Variants in LYRM4 observed in about 807,000 individuals in gnomAD.
The protein encoded by LYRM4 is LYR motif containing 4.
A neutral mutation model predicts 11.7 loss-of-function variants in LYRM4; 9 were observed. The observed-to-expected ratio is 0.77, with a 90% CI of 0.46 to 1.34. The LOEUF (loss-of-function observed/expected upper bound fraction) is 1.34, where lower values mean the gene tolerates loss of function less well. Ranked by LOEUF, LYRM4 falls within the 40% of genes most tolerant of loss-of-function variation. The pLI is 0.00. For missense variants in LYRM4, 133 were observed against 112.5 expected (o/e 1.18, Z -0.82); for synonymous variants, 42 against 40.4 (o/e 1.04, Z -0.15).
intron 2 of LYRM4, among the ~76,000 whole-genome samples, chr6:5,204,750 G>A (rs1026512973): frequency 5.3e-4 from 81 of 152,058 alleles, no homozygotes; most frequent in African/African-American, 1.9e-3. Flanking sequence ...TTTTTCCCGG[G>A]TGCATCCTCA....
At chr6:5,101,612 T>G (rs1023712517), downstream of LYRM4, among the ~76,000 whole-genome samples, 1 of 152,124 alleles carries the variant, frequency 6.6e-6, no homozygotes, top group African/African-American at 2.4e-5. Flanking sequence ...GGGGGCTGCA[T>G]ATAGTTGACC....
At chr6:5,173,967 G>GGGGCTTTGT (rs1561848184) in intron 2 of LYRM4, among the ~76,000 whole-genome samples, 1 of 152,142 alleles carries the variant, frequency 6.6e-6, no homozygotes, top group Non-Finnish European at 1.5e-5. Flanking sequence ...TATAGACTGG[G>GGGGCTTTGT]GGGCTTTGTT....
At chr6:5,238,964 C>G (rs1763706429) in intron 1 of LYRM4, among the ~76,000 whole-genome samples, 1 of 152,238 alleles carries the variant, frequency 6.6e-6, no homozygotes, top group African/African-American at 2.4e-5. Context: ...AGGAAGAATT[C>G]TGCTTCTGAT....
chr6:5,226,821 C>T (rs1004305724), intron 1 of LYRM4, among the ~76,000 whole-genome samples: 3 of 152,076 alleles, frequency 2.0e-5, no homozygotes, highest in Admixed American at 2.0e-4. Context: ...TTTATGCCTC[C>T]TAAATTACTA....
intron 1 of LYRM4, among the ~76,000 whole-genome samples, chr6:5,234,940 C>T (rs1331869846): frequency 2.6e-5 from 4 of 152,144 alleles, no homozygotes; most frequent in South Asian, 2.1e-4. Flanking sequence ...CCCCAGAGCT[C>T]AGGTTCACTG....
At chr6:5,204,050 A>T (rs548719248) in intron 2 of LYRM4, among the ~76,000 whole-genome samples, 25 of 152,346 alleles carry the variant, frequency 1.6e-4, no homozygotes, top group African/African-American at 5.1e-4. Context: ...GGAAGGGCAG[A>T]CAATTATGCC....
intron 2 of LYRM4, among the ~76,000 whole-genome samples, chr6:5,141,682 C>T (rs1030381390): frequency 6.6e-6 from 1 of 152,176 alleles, no homozygotes; most frequent in Admixed American, 6.5e-5. Flanking sequence ...TCTCAACACT[C>T]ACGGAGGTCA....
At chr6:5,219,311 T>C (rs1369050780) in intron 1 of LYRM4, among the ~76,000 whole-genome samples, 1 of 152,214 alleles carries the variant, frequency 6.6e-6, no homozygotes, top group Admixed American at 6.5e-5. Flanking sequence ...GTATACTTGT[T>C]TGTCTCCCCA....
intron 2 of LYRM4, among the ~76,000 whole-genome samples, chr6:5,146,231 A>G (rs1365190096): frequency 6.6e-6 from 1 of 152,196 alleles, no homozygotes; most frequent in South Asian, 2.1e-4. Context: ...TGAATTCCTG[A>G]GAACTAAATG....
chr6:5,218,152 C>T (rs1762383716), intron 1 of LYRM4: 2 of 722,366 alleles, frequency 2.8e-6, no homozygotes, highest in African/African-American at 3.8e-5. Context: ...AGCTATCCTC[C>T]TGCCTTAGCA....
At chr6:5,210,959 TATATA>T (rs1049680199) in intron 2 of LYRM4, among the ~76,000 whole-genome samples, 2 of 152,208 alleles carry the variant, frequency 1.3e-5, no homozygotes, top group African/African-American at 4.8e-5. Context: ...TTGTGAATAG[TATATA>T]ATCATTTTCA....
At chr6:5,058,602 A>T in the LYRM4 span, among the ~76,000 whole-genome samples, 1 of 152,072 alleles carries the variant, frequency 6.6e-6, no homozygotes, top group East Asian at 1.9e-4. Flanking sequence ...CCTCGGGGGG[A>T]ACCCATGGGC....
rs140900078 is a variant in LYRM4 at position 5,246,748 on chromosome 6, G to A, written c.86+13900C>T. 5.5e-3 allele frequency among the ~76,000 whole-genome samples: 832 copies of A among 152,228 alleles called. 8 individuals carry two copies. The highest frequency in any genetic ancestry group is 9.6e-3 in the Admixed American group (146 of 15,280). On this transcript the variant is annotated intron_variant, in intron 1 of 2. Coordinates refer to ENST00000330636, the MANE Select transcript of LYRM4 (RefSeq NM_020408.6). ...CCCAGTTCCAGCTTTGTTGTGGCAGGTCTGGGTGGATGTGGAGCAGTTGCC... is the reference window on the plus strand; with the variant it reads ...CCCAGTTCCAGCTTTGTTGTGGCAGATCTGGGTGGATGTGGAGCAGTTGCC...
downstream of LYRM4, chr6:5,103,791 C>G (rs112393649): frequency 6.6e-6 from 1 of 151,878 alleles, no homozygotes; most frequent in African/African-American, 2.4e-5. Context: ...CCCACTGCCA[C>G]GCCTGGCTAA....
chr6:5,208,625 C>T (rs1014836600), intron 2 of LYRM4, among the ~76,000 whole-genome samples: 7 of 152,124 alleles, frequency 4.6e-5, no homozygotes, highest in Non-Finnish European at 1.0e-4. Flanking sequence ...ACATCATCCT[C>T]GGAGGAATCA....
intron 2 of LYRM4, among the ~76,000 whole-genome samples, chr6:5,210,257 G>C (rs889719889): frequency 3.3e-5 from 5 of 152,124 alleles, no homozygotes; most frequent in African/African-American, 4.8e-5. Context: ...AGAGAAGAAG[G>C]GGACAGATAT....
At chr6:5,231,503 G>T (rs758703405) in intron 1 of LYRM4, among the ~76,000 whole-genome samples, 1 of 152,182 alleles carries the variant, frequency 6.6e-6, no homozygotes, top group African/African-American at 2.4e-5. Flanking sequence ...AAGTTAAAGG[G>T]CTCTGAATGC....
At chr6:5,086,030 C>T in the LYRM4 span, 1 of 1,491,808 alleles carries the variant, frequency 6.7e-7, no homozygotes. Flanking sequence ...GGGCTGCTGG[C>T]CGCGGCGGCA....
chr6:5,121,176 C>T (rs1013702468), intron 2 of LYRM4, among the ~76,000 whole-genome samples: 1 of 152,172 alleles, frequency 6.6e-6, no homozygotes, highest in African/African-American at 2.4e-5. Context: ...TATCTATTTT[C>T]CTACCAGGTG....
Sources: allele counts gnomAD v4.1 joint callset (sites outside exome capture counted in the v4.1 genomes callset), GRCh38; gene constraint gnomAD v4.1.1; transcripts MANE v1.5; gene names NCBI Gene and HGNC (gene_info 2026-07-23, HGNC 2026-07-21).